The following RB1 variants were observed in gnomAD, a reference collection of about 807,000 sequenced individuals.
The protein encoded by RB1 is RB transcriptional corepressor 1, also known as retinoblastoma-associated protein.
In RB1, 18 loss-of-function variants were observed where a neutral mutation model predicts 135.4. The ratio of observed to expected loss-of-function variants is 0.13; its 90% CI spans 0.09 to 0.20. The LOEUF is 0.20. Among genes scored for constraint, RB1 ranks in the 10% least tolerant of loss-of-function variants. RB1 has a pLI of 1.00. For synonymous variants in RB1, 365 were observed against 373.2 expected (o/e 0.98, Z 0.25); for missense variants, 868 against 1,110.0 (o/e 0.78, Z 3.10).
At chr13:48,395,625 G>A (rs1948641893) in intron 17 of RB1, among the ~76,000 whole-genome samples, 1 of 152,004 alleles carries the variant, frequency 6.6e-6, no homozygotes, top group Admixed American at 6.5e-5. Context: ...AGAAAAAAAG[G>A]ATATCAGAGA....
At chr13:48,386,546 G>C (rs2138152209) in intron 17 of RB1, among the ~76,000 whole-genome samples, 1 of 152,302 alleles carries the variant, frequency 6.6e-6, no homozygotes. Flanking sequence ...TTACTTGTAA[G>C]ACTGATAAGC....
chr13:48,376,803 G>A (rs1328503112), intron 12 of RB1, 115 bp from the exon 13 acceptor site: 13 of 1,498,324 alleles, frequency 8.7e-6, no homozygotes, highest in South Asian at 1.2e-5. Flanking sequence ...AGTTATTATG[G>A]AAGTGTTTCC....
chr13:48,475,487 G>A (rs1401961557), intron 24 of RB1, among the ~76,000 whole-genome samples: 1 of 152,226 alleles, frequency 6.6e-6, no homozygotes, highest in East Asian at 1.9e-4. Flanking sequence ...CCCCTCCATA[G>A]TACTGCTTGC....
chr13:48,386,588 A>G (rs981022530), intron 17 of RB1, among the ~76,000 whole-genome samples: 2 of 152,206 alleles, frequency 1.3e-5, no homozygotes, highest in Non-Finnish European at 2.9e-5. Context: ...GGTATGTGGT[A>G]GATTCTTGAA....
intron 22 of RB1, 33 bp downstream of exon 22, chr13:48,465,144 CTAATG>C: frequency 6.2e-7 from 1 of 1,612,938 alleles, no homozygotes; most frequent in Non-Finnish European, 8.5e-7. Context: ...TTGGAAAAAT[CTAATG>C]TAATGGGTCC....
chr13:48,382,452 T>C (rs111242068), intron 17 of RB1, among the ~76,000 whole-genome samples: 1,655 of 152,336 alleles, frequency 0.011, 31 homozygotes, highest in African/African-American at 0.038. Flanking sequence ...TGGCCAGTGA[T>C]GATGAGCATT....
At chr13:48,330,741 A>G (rs542551039) in intron 2 of RB1, among the ~76,000 whole-genome samples, 19 of 152,324 alleles carry the variant, frequency 1.2e-4, no homozygotes, top group Admixed American at 2.6e-4. Context: ...AAGAATACCA[A>G]TCCTTCTCAA....
intron 1 of RB1, among the ~76,000 whole-genome samples, chr13:48,306,953 A>G (rs1952085643): frequency 6.6e-6 from 1 of 152,160 alleles, no homozygotes; most frequent in Non-Finnish European, 1.5e-5. Context: ...TTTTGTTGTT[A>G]TCTTTATCCT....
At chr13:48,474,571 A>C (rs1184505651) in intron 24 of RB1, among the ~76,000 whole-genome samples, 1 of 152,188 alleles carries the variant, frequency 6.6e-6, no homozygotes, top group Non-Finnish European at 1.5e-5. Context: ...CCCGATATCC[A>C]AATGTCACCA....
chr13:48,323,762 G>C (rs1952261333), intron 2 of RB1, among the ~76,000 whole-genome samples: 1 of 152,014 alleles, frequency 6.6e-6, no homozygotes, highest in Admixed American at 6.6e-5. Flanking sequence ...AGGAACCATG[G>C]AAGAAATCTT....
Position 48,476,755 on chromosome 13 carries a change from C to A in RB1, c.2575C>A (p.Leu859Ile). The change falls in exon 25 of 27, where the codon CTC (leucine) becomes ATC (isoleucine). Residue 859 changes from leucine to isoleucine, a missense_variant. Physicochemically the swap from Leu to Ile is conservative, Grantham distance 5 (BLOSUM62 2). This residue lies in a region of RB1 where 196 missense variants were observed against 239.8 expected (regional missense o/e 0.82). Transcript: ENST00000267163. Reference protein sequence around the residue: ...NQMVCNSDRVLKRSAEGSNPP... With the variant: ...NQMVCNSDRVIKRSAEGSNPP... Reference sequence around the variant, plus strand: ...GATGGTATGTAACAGCGACCGTGTGCTCAAAAGAAGTGCTGAAGGAAGCAA... The same window carrying A: ...GATGGTATGTAACAGCGACCGTGTGATCAAAAGAAGTGCTGAAGGAAGCAA... The A allele has an allele frequency of 6.2e-7, 1 of 1,613,470 alleles. No homozygotes were observed. The highest frequency in any genetic ancestry group is 2.2e-5 in the East Asian group (1 of 44,852).
chr13:48,320,818 G>C (rs542868362), intron 2 of RB1, among the ~76,000 whole-genome samples: 21 of 150,560 alleles, frequency 1.4e-4, no homozygotes, highest in Admixed American at 2.6e-4. Context: ...GTGACAGAGC[G>C]AGACTCCGTC....
intron 6 of RB1, 143 bp downstream of exon 6, chr13:48,349,166 C>G (rs1031030666): frequency 5.5e-5 from 45 of 821,832 alleles, no homozygotes; most frequent in Non-Finnish European, 7.0e-5. Flanking sequence ...TTAGCAAGTT[C>G]CTATAATTCT....
At chr13:48,318,306 A>G (rs2138051297) in intron 2 of RB1, 1 of 1,234,312 alleles carries the variant, frequency 8.1e-7, no homozygotes, top group Non-Finnish European at 1.1e-6. Flanking sequence ...CAGGAAGTGC[A>G]TCTGGGCAGT....
chr13:48,319,012 C>T lies in RB1; in HGVS notation c.264+11606C>T. On this transcript the variant is annotated intron_variant, in intron 2 of 26. Coordinates refer to ENST00000267163, the MANE Select transcript of RB1 (RefSeq NM_000321.3). This position sits in a 1 kb window ranked among gnomAD's most constrained non-coding sequence, Gnocchi z 5.0. Reference sequence around the variant, plus strand: ...CTTACATGGGGGCCGGCAGGGTAGTCTTGGAAATGCCCAAGATTGCTTCCG... The same window carrying T: ...CTTACATGGGGGCCGGCAGGGTAGTTTTGGAAATGCCCAAGATTGCTTCCG... The T allele has an allele frequency of 1.4e-6, 1 of 701,848 alleles. No individual in the cohort carries two copies. The highest frequency in any genetic ancestry group is 1.4e-5 in the South Asian group (1 of 71,362). The allele number at this position is 701,848 out of a possible 1,614,324, so 43.5% of individuals were successfully genotyped here.
intron 2 of RB1, chr13:48,318,180 C>T (rs1952202444): frequency 3.6e-6 from 2 of 559,510 alleles, no homozygotes; most frequent in Non-Finnish European, 6.5e-6. Context: ...GCCACAGACA[C>T]TGGGAGGTTT....
chr13:48,359,877 A>G (rs535257497), intron 6 of RB1, 140 bp from the exon 7 acceptor site: 131 of 1,326,766 alleles, frequency 9.9e-5, no homozygotes, highest in Non-Finnish European at 1.2e-4. Context: ...TTTTTTTACA[A>G]AAAAAAGAAA....
intron 17 of RB1, chr13:48,401,530 T>C (rs1282972678): frequency 6.6e-6 from 1 of 152,206 alleles, no homozygotes; most frequent in East Asian, 1.9e-4. Context: ...AGAACAACTT[T>C]TTGGCATTTC....
In RB1 at chr13:48,480,803, TTA is replaced by T. The variant is rs1309842962; in HGVS notation, c.*734_*735del. The T allele has an allele frequency of 4.4e-6, 1 of 226,962 alleles. No homozygotes were observed. Among genetic ancestry groups the T allele is most frequent in the Non-Finnish European group, 8.8e-6 (1 of 113,946 alleles). The allele number at this position is 226,962 out of a possible 1,614,324, so 14.1% of individuals were successfully genotyped here. ...TTACTGATTATTTTCTTCATCCAAC[TTA>T]TGTTTTTAAATGAGGATTATTGATA... On this transcript the variant is annotated 3_prime_UTR_variant, in exon 27 of 27. Transcript: ENST00000267163.
Sources: gnomAD v4.1 joint callset for allele counts (sites outside exome capture counted in the v4.1 genomes callset) on GRCh38, gnomAD v4.1.1 for gene constraint, gnomAD v4.1.1 regional missense constraint, Gnocchi (gnomAD v3.1) non-coding constraint, MANE v1.5 for transcripts, NCBI Gene and HGNC (gene_info 2026-07-23, HGNC 2026-07-21) for gene names.